CREBBP: variants seen among roughly 807,000 people sequenced by gnomAD.
CREBBP encodes CREB binding lysine acetyltransferase.
CREBBP carries 19 observed loss-of-function variants against 265.0 expected under a neutral mutation model. The ratio of observed to expected loss-of-function variants is 0.07; its 90% CI spans 0.05 to 0.11. The LOEUF is 0.11. CREBBP is among the 10% of genes least tolerant of loss of function. CREBBP has a pLI of 1.00. For synonymous variants in CREBBP, 1,457 were observed against 1,223.7 expected, an observed-to-expected ratio of 1.19 and a Z score of -3.98; for missense variants, 2,525 against 3,219.0, an observed-to-expected ratio of 0.78 and a Z score of 5.22.
intron 5 of CREBBP, among the ~76,000 whole-genome samples, chr16:3,789,011 G>A (rs1321663748): frequency 6.6e-6 from 1 of 152,208 alleles, no homozygotes; most frequent in East Asian, 1.9e-4. Flanking sequence ...TCAATGGTCT[G>A]GGCTTCATTT....
chr16:3,777,815 T>C (rs1359316117), intron 10 of CREBBP, 158 bp from the exon 11 acceptor site: 1 of 1,073,390 alleles, frequency 9.3e-7, no homozygotes, highest in Non-Finnish European at 1.4e-6. Context: ...GCGCACCCTG[T>C]AAAGGGCCTT....
intron 1 of CREBBP, among the ~76,000 whole-genome samples, chr16:3,852,158 T>G (rs1195586762): frequency 8.0e-5 from 3 of 37,446 alleles, no homozygotes; most frequent in African/African-American, 4.5e-4. Flanking sequence ...CTTAAATTTG[T>G]TTTTTTTTTT....
intron 2 of CREBBP, among the ~76,000 whole-genome samples, chr16:3,849,458 T>TG (rs2054774439): frequency 7.8e-6 from 1 of 128,924 alleles, no homozygotes; most frequent in East Asian, 2.7e-4. Flanking sequence ...TGTGTGTGTG[T>TG]GTGTGTGTGT....
chr16:3,744,679 G>A (rs1350378808), intron 23 of CREBBP, among the ~76,000 whole-genome samples: 3 of 152,194 alleles, frequency 2.0e-5, no homozygotes, highest in Non-Finnish European at 2.9e-5. Context: ...TGAAGCCCCT[G>A]AAGAACATTC....
chr16:3,768,557 G>A (rs1255332721), intron 15 of CREBBP, among the ~76,000 whole-genome samples: 1 of 152,114 alleles, frequency 6.6e-6, no homozygotes, highest in African/African-American at 2.4e-5. Context: ...GTTGGGGCAG[G>A]GACCAAAAGT....
At chr16:3,791,880 T>C in intron 5 of CREBBP, 101 bp downstream of exon 5, 1 of 1,028,676 alleles carries the variant, frequency 9.7e-7, no homozygotes, top group African/African-American at 1.6e-5. Flanking sequence ...CTGCACTCCA[T>C]GGCTCATAAC....
intron 3 of CREBBP, among the ~76,000 whole-genome samples, chr16:3,807,958 C>G (rs2053862593): frequency 6.6e-6 from 1 of 152,168 alleles, no homozygotes; most frequent in Non-Finnish European, 1.5e-5. Flanking sequence ...TTACCCCCAA[C>G]AGGCATTTGT....
intron 3 of CREBBP, among the ~76,000 whole-genome samples, chr16:3,800,863 T>A (rs181128032): frequency 1.3e-5 from 2 of 152,354 alleles, no homozygotes; most frequent in Admixed American, 1.3e-4. Context: ...ATTCTTTCTA[T>A]GACTAAAATC....
intron 3 of CREBBP, among the ~76,000 whole-genome samples, chr16:3,795,847 G>C (rs2053597570): frequency 6.6e-6 from 1 of 152,056 alleles, no homozygotes; most frequent in Non-Finnish European, 1.5e-5. Flanking sequence ...CAAACATACA[G>C]AAAAATGGAA....
intron 2 of CREBBP, among the ~76,000 whole-genome samples, chr16:3,820,107 T>C (rs1246206659): frequency 6.6e-6 from 1 of 152,234 alleles, no homozygotes; most frequent in African/African-American, 2.4e-5. Context: ...GAAATATTTA[T>C]CATTTTCAAT....
At chr16:3,748,576 T>A (rs1193458835) in intron 21 of CREBBP, among the ~76,000 whole-genome samples, 1 of 152,214 alleles carries the variant, frequency 6.6e-6, no homozygotes, top group Non-Finnish European at 1.5e-5. Flanking sequence ...AGCCACTGGC[T>A]TCCCTGGAGA....
intron 2 of CREBBP, among the ~76,000 whole-genome samples, chr16:3,832,138 T>C (rs1023974084): frequency 6.0e-4 from 91 of 152,036 alleles, no homozygotes; most frequent in African/African-American, 2.0e-3. Context: ...AGCAGAAAAT[T>C]TGAATAGCTA....
At chr16:3,828,604 A>C (rs189514078) in intron 2 of CREBBP, among the ~76,000 whole-genome samples, 1 of 152,208 alleles carries the variant, frequency 6.6e-6, no homozygotes, top group South Asian at 2.1e-4. Context: ...AATTTCGTGC[A>C]TGGGGGAAAA....
intron 23 of CREBBP, among the ~76,000 whole-genome samples, chr16:3,744,340 C>A (rs1008375614): frequency 1.3e-4 from 20 of 152,222 alleles, no homozygotes; most frequent in African/African-American, 4.3e-4. Context: ...CAACATTACA[C>A]CACACATGCA....
chr16:3,773,544 T>G, intron 13 of CREBBP: 1 of 596,934 alleles, frequency 1.7e-6, no homozygotes, highest in Admixed American at 3.2e-5. Flanking sequence ...CTTTTGCATA[T>G]AGTTAACCCA....
rs2141199285 is a variant in CREBBP at position 3,770,630 on chromosome 16, A to T, written c.2820T>A (p.Ala940=). Residue 940 remains alanine, a synonymous_variant, in exon 14 of 31, where the codon GCT becomes GCA. Transcript: ENST00000262367. ...GCTGTTGCTGCGATGACTGAGGGGTAGCCACAGACGGGGGCTGAACTGGGG... is the reference window on the plus strand; with the variant it reads ...GCTGTTGCTGCGATGACTGAGGGGTTGCCACAGACGGGGGCTGAACTGGGG... ...PQTPVQPPSV[A]TPQSSQQQPT... is the part of the protein sequence containing the mutation. The T allele has an allele frequency of 6.2e-7, 1 of 1,614,004 alleles. No homozygotes were observed. Among genetic ancestry groups the T allele is most frequent in the Non-Finnish European group, 8.5e-7 (1 of 1,180,034 alleles).
intron 9 of CREBBP, 71 bp from the exon 10 acceptor site, chr16:3,778,253 G>A: frequency 7.7e-7 from 1 of 1,291,478 alleles, no homozygotes; most frequent in South Asian, 1.2e-5. Context: ...TGTGTTGTAG[G>A]TTCTAACTAA....
At position 3,863,102 on chromosome 16, in the gene CREBBP, G is replaced by A. The variant is rs1402137219; in HGVS notation, c.86-12093C>T. Among the ~76,000 whole-genome samples, 4 of 152,268 alleles carry A rather than the reference G, an allele frequency of 2.6e-5. No homozygotes were observed. The East Asian group carries it at 7.7e-4, about 29-fold the overall frequency. ...TTAGAAACTGTAATGTGAATCAGAAGGGAAATACTGATTTATCAAAATGCA... is the reference window on the plus strand; with the variant it reads ...TTAGAAACTGTAATGTGAATCAGAAAGGAAATACTGATTTATCAAAATGCA... On this transcript the variant is annotated intron_variant, in intron 1 of 30. Transcript: ENST00000262367.
At chr16:3,740,754 T>C (rs767128960) in intron 23 of CREBBP, 145 of 667,040 alleles carry the variant, frequency 2.2e-4, no homozygotes, top group Non-Finnish European at 3.6e-4. Context: ...GGCACTCCAC[T>C]CCTGAAAACC....
Sources: gnomAD v4.1 joint callset for allele counts (sites outside exome capture counted in the v4.1 genomes callset) on GRCh38, gnomAD v4.1.1 for gene constraint, MANE v1.5 for transcripts, NCBI Gene and HGNC (gene_info 2026-07-23, HGNC 2026-07-21) for gene names.